COQ9: variants seen among roughly 807,000 people sequenced by gnomAD.
COQ9 encodes the protein ubiquinone biosynthesis protein COQ9, mitochondrial.
COQ9 carries 35 observed loss-of-function variants against 42.4 expected under a neutral mutation model. That is an observed-to-expected ratio of 0.83 (90% CI 0.63 to 1.10). The LOEUF (loss-of-function observed/expected upper bound fraction) is 1.10. COQ9 is among the 50% of genes least tolerant of loss of function. The pLI is 0.00. For synonymous variants in COQ9, 155 were observed against 155.1 expected (o/e 1.00, Z 0.00); for missense variants, 406 against 414.6 (o/e 0.98, Z 0.18).
chr16:57,450,025 C>T (rs1163941188), intron 1 of COQ9, among the ~76,000 whole-genome samples: 1 of 152,174 alleles, frequency 6.6e-6, no homozygotes. Context: ...CACTGAAAAT[C>T]AAGATGGATG....
rs772822816 is a variant in COQ9, at chr16:57,452,901, G to A, written c.343G>A (p.Gly115Arg). The A allele has an allele frequency of 5.6e-6, 9 of 1,613,726 alleles. No homozygotes were observed. The highest frequency in any genetic ancestry group is 4.0e-5 in the African/African-American group (3 of 74,902). ...AGCCCTTGAGTTTGTGCCCGCCCAC[G>A]GGTGGACAGCAGAGGCGATTGCAGA... ...TAALEFVPAH[G>R]WTAEAIAEGA... Residue 115 changes from glycine (G) to arginine (R), a missense_variant, in exon 3 of 9, where the codon GGG becomes AGG. Transcript: ENST00000262507.
intron 3 of COQ9, among the ~76,000 whole-genome samples, chr16:57,454,619 T>C (rs898681250): frequency 6.6e-5 from 10 of 152,112 alleles, no homozygotes; most frequent in African/African-American, 2.4e-4. Context: ...AATGATGCCA[T>C]TGCACTCCAG....
Position 57,460,989 on chromosome 16 carries a change from C to G in COQ9, c.*365C>G, listed in dbSNP as rs1427873430. On this transcript the variant is annotated 3_prime_UTR_variant, in exon 9 of 9. Coordinates refer to ENST00000262507, the MANE Select transcript of COQ9 (RefSeq NM_020312.4). Reference sequence around the variant, plus strand: ...TCTTAACCTTCCCTTAACCTTGGGGCTCCCAAGCCAGAGTCAAGGTCTGAC... The same window carrying G: ...TCTTAACCTTCCCTTAACCTTGGGGGTCCCAAGCCAGAGTCAAGGTCTGAC... 2.8e-6 allele frequency: 1 copy of G among 362,238 alleles called. No individual in the cohort carries two copies. The highest frequency in any genetic ancestry group is 5.4e-6 in the Non-Finnish European group (1 of 185,078). The allele number at this position is 362,238 out of a possible 1,614,324, so 22.4% of individuals were successfully genotyped here. A position where few individuals can be genotyped will look rare whatever the true frequency, so the allele number is the denominator to read the frequency against.
Position 57,460,716 on chromosome 16 carries a change from G to A in COQ9, c.*92G>A. 8.0e-7 allele frequency: 1 copy of A among 1,254,720 alleles called. No individual in the cohort carries two copies. The highest frequency in any genetic ancestry group is 1.2e-5 in the South Asian group (1 of 81,678). 77.7% of individuals were successfully genotyped at this position (1,254,720 alleles called of 1,614,324 possible). A position where few individuals can be genotyped will look rare whatever the true frequency, so the allele number is the denominator to read the frequency against. Reference sequence around the variant, plus strand: ...GTATAAGGTGCCATCCACATAACCTGGTGTTCACGAGAACACACTAAAGGA... The same window carrying A: ...GTATAAGGTGCCATCCACATAACCTAGTGTTCACGAGAACACACTAAAGGA... On this transcript the variant is annotated 3_prime_UTR_variant, in exon 9 of 9. Coordinates refer to ENST00000262507, the MANE Select transcript of COQ9 (RefSeq NM_020312.4).
At chr16:57,448,344 CTT>C (rs56261757) in intron 1 of COQ9, among the ~76,000 whole-genome samples, 3 of 141,206 alleles carry the variant, frequency 2.1e-5, no homozygotes, top group African/African-American at 2.6e-5. Context: ...TCTTTTTTTT[CTT>C]TTTTTTTTTT....
In COQ9 at chr16:57,447,523, A is replaced by G. The variant is rs1452403647; in HGVS notation, c.18A>G (p.Val6=). The G allele has an allele frequency of 2.4e-5, 31 of 1,303,320 alleles. No homozygotes were observed. The Middle Eastern group carries it at 7.0e-4, about 29-fold the overall frequency. 80.7% of individuals were successfully genotyped at this position (1,303,320 alleles called of 1,614,324 possible). A position where few individuals can be genotyped will look rare whatever the true frequency, so the allele number is the denominator to read the frequency against. MAAAA[V]SGALGRAGWR... Reference sequence around the variant, plus strand: ...CTTCCAAAATGGCGGCGGCGGCGGTATCTGGTGCGCTTGGCCGGGCGGGCT... The same window carrying G: ...CTTCCAAAATGGCGGCGGCGGCGGTGTCTGGTGCGCTTGGCCGGGCGGGCT... Residue 6 remains valine, a synonymous_variant, in exon 1 of 9, where the codon GTA becomes GTG. Transcript: ENST00000262507.
intron 1 of COQ9, chr16:57,450,786 T>G: frequency 1.8e-6 from 1 of 551,584 alleles, no homozygotes; most frequent in Non-Finnish European, 3.3e-6. Context: ...TGTTTGCCAG[T>G]TACCCAGGTA....
chr16:57,459,780 T>G (rs577547966), intron 7 of COQ9, 60 bp downstream of exon 7: 9 of 1,587,734 alleles, frequency 5.7e-6, no homozygotes, highest in Non-Finnish European at 7.8e-6. Flanking sequence ...TCTCCTCAGG[T>G]CACAGCTGGT....
rs754414865 is a variant in COQ9, at chr16:57,447,556, C to T, written c.51C>T (p.Leu17=). 1.1e-5 allele frequency: 14 copies of T among 1,293,376 alleles called. No individual in the cohort carries two copies. The highest frequency in any genetic ancestry group is 3.1e-5 in the African/African-American group (2 of 65,196). The allele number at this position is 1,293,376 out of a possible 1,614,324, so 80.1% of individuals were successfully genotyped here. The part of the protein sequence containing the change: ...SGALGRAGWR[L]LQLRCLPVAR... ...CGCTTGGCCGGGCGGGCTGGAGGCT[C>T]CTGCAGCTGCGATGCCTGCCCGGTG... The change falls in exon 1 of 9, where the codon CTC becomes CTT. Residue 17 remains leucine, a synonymous_variant. Transcript: ENST00000262507.
Position 57,460,805 on chromosome 16 carries a change from G to A in COQ9, c.*181G>A, listed in dbSNP as rs1025453095. ...GCATTTGATGCTACCGTTCTGGTCA[G>A]GGATTGGGCTGCTTCTTCAGTTCCT... On this transcript the variant is annotated 3_prime_UTR_variant, in exon 9 of 9. Coordinates refer to ENST00000262507, the MANE Select transcript of COQ9 (RefSeq NM_020312.4). 1 of 633,322 alleles carries A rather than the reference G, an allele frequency of 1.6e-6. No homozygotes were observed. The highest frequency in any genetic ancestry group is 1.8e-5 in the South Asian group (1 of 55,396). 39.2% of individuals were successfully genotyped at this position (633,322 alleles called of 1,614,324 possible).
rs1489102799 is a variant in COQ9, at chr16:57,451,288, C to T, written c.242+80C>T. ...CCTCCTTCACTTCCTCTCTCCTCTC[C>T]ATCCCCTTTTGTACCTTCCTTCATT... is the stretch of plus-strand genomic sequence containing the variant. On this transcript the variant is annotated intron_variant, in intron 2 of 8. Coordinates refer to ENST00000262507, the MANE Select transcript of COQ9 (RefSeq NM_020312.4). 1.2e-5 allele frequency: 17 copies of T among 1,445,864 alleles called. No individual in the cohort carries two copies. The African/African-American group carries it at 1.5e-4, about 13-fold the overall frequency. 89.6% of individuals were successfully genotyped at this position (1,445,864 alleles called of 1,614,324 possible).
Position 57,447,539 on chromosome 16 carries a change from C to T in COQ9, c.34C>T (p.Arg12Trp), listed in dbSNP as rs538303703. 4.6e-6 allele frequency: 6 copies of T among 1,310,172 alleles called. No homozygotes were observed. In the South Asian group the frequency reaches 9.9e-5, roughly 22 times the overall value. The allele number at this position is 1,310,172 out of a possible 1,614,324, so 81.2% of individuals were successfully genotyped here. A position where few individuals can be genotyped will look rare whatever the true frequency, so the allele number is the denominator to read the frequency against. Residue 12 changes from arginine to tryptophan, a missense_variant, in exon 1 of 9, where the codon CGG (arginine) becomes TGG (tryptophan). By Grantham distance (101) the Arg-to-Trp change is moderately radical (BLOSUM62 -3). Coordinates refer to ENST00000262507, the MANE Select transcript of COQ9 (RefSeq NM_020312.4). ...GGCGGCGGTATCTGGTGCGCTTGGC[C>T]GGGCGGGCTGGAGGCTCCTGCAGCT... ...AAAAVSGALG[R>W]AGWRLLQLRC...
At chr16:57,460,510 G>A in intron 8 of COQ9, 79 bp from the exon 9 acceptor site, 1 of 1,364,502 alleles carries the variant, frequency 7.3e-7, no homozygotes, top group South Asian at 1.3e-5. Flanking sequence ...AAGAGAAAAA[G>A]AAAAGCTAGG....
intron 5 of COQ9, 86 bp downstream of exon 5, chr16:57,457,101 A>G: frequency 2.0e-6 from 2 of 990,884 alleles, no homozygotes; most frequent in Non-Finnish European, 3.2e-6. Context: ...GACTTTGTAC[A>G]CTGTTCAGAA....
intron 3 of COQ9, among the ~76,000 whole-genome samples, chr16:57,455,735 A>G (rs1257762547): frequency 6.6e-6 from 1 of 152,138 alleles, no homozygotes; most frequent in Non-Finnish European, 1.5e-5. Flanking sequence ...AGGGTGCACC[A>G]AGCAGGAGAA....
intron 1 of COQ9, chr16:57,450,636 T>C (rs1567577843): frequency 3.5e-6 from 1 of 282,462 alleles, no homozygotes; most frequent in East Asian, 8.9e-5. Flanking sequence ...ATTCCAGAGC[T>C]CTTGCCATAA....
chr16:57,459,543 G>A (rs371650713), intron 6 of COQ9, 22 bp from the exon 7 acceptor site: 16 of 1,613,502 alleles, frequency 9.9e-6, no homozygotes, highest in African/African-American at 4.0e-5. Context: ...AGCCCACAGC[G>A]GTAGTGTGGG....
chr16:57,457,847 T>C (rs748600711), intron 5 of COQ9, among the ~76,000 whole-genome samples: 54 of 152,188 alleles, frequency 3.5e-4, no homozygotes, highest in Non-Finnish European at 7.4e-5. Flanking sequence ...GGATGTAGCA[T>C]TGGTAAAGTG....
Position 57,460,080 on chromosome 16 carries a change from A to C in COQ9, c.897A>C (p.Gln299His), listed in dbSNP as rs1261305809. 1 of 1,614,140 alleles carries C rather than the reference A, an allele frequency of 6.2e-7. No homozygotes were observed. The highest frequency in any genetic ancestry group is 1.1e-5 in the South Asian group (1 of 91,066). ...QVKSTGEALVQGLMGAAVTLK... is the reference protein window; with the variant it reads ...QVKSTGEALVHGLMGAAVTLK... ...AGTCCACAGGAGAGGCACTGGTGCA[A>C]GGACTCATGGGTGCAGCAGTGACGG... Residue 299 changes from glutamine (Q) to histidine (H), a missense_variant, in exon 8 of 9, where the codon CAA becomes CAC. Physicochemically the swap from Gln to His is conservative, Grantham distance 24 (BLOSUM62 0). Coordinates refer to ENST00000262507, the MANE Select transcript of COQ9 (RefSeq NM_020312.4).
Sources: allele counts gnomAD v4.1 joint callset (sites outside exome capture counted in the v4.1 genomes callset), GRCh38; gene constraint gnomAD v4.1.1; transcripts MANE v1.5; gene names NCBI Gene and HGNC (gene_info 2026-07-23, HGNC 2026-07-21).